TNIK: variants seen among roughly 807,000 people sequenced by gnomAD.
TNIK encodes TRAF2 and NCK interacting kinase, also known as TRAF2 and NCK-interacting protein kinase.
TNIK carries 49 observed loss-of-function variants against 191.3 expected under a neutral mutation model. The ratio of observed to expected loss-of-function variants is 0.26; its 90% CI spans 0.20 to 0.32. TNIK has a LOEUF of 0.32. Among genes scored for constraint, TNIK ranks in the 10% least tolerant of loss-of-function variants. The probability of loss-of-function intolerance (pLI) is 1.00; values close to 1 mark genes in which losing one functional copy is unlikely to be tolerated. For synonymous variants in TNIK, 594 were observed against 600.9 expected (o/e 0.99, Z 0.17); for missense variants, 1,155 against 1,702.3 (o/e 0.68, Z 5.66).
chr3:171,294,282 G>A (rs772166636), intron 2 of TNIK, among the ~76,000 whole-genome samples: 1 of 151,956 alleles, frequency 6.6e-6, no homozygotes, highest in Non-Finnish European at 1.5e-5. Context: ...AACTAGCCAG[G>A]CATGATGGCA....
At chr3:171,429,991 G>A (rs930975143) in intron 1 of TNIK, among the ~76,000 whole-genome samples, 7 of 151,962 alleles carry the variant, frequency 4.6e-5, no homozygotes, top group African/African-American at 1.7e-4. Context: ...CAAATTTTGG[G>A]GACCCATCCC....
At chr3:171,192,579 G>C (rs1182830450) in intron 5 of TNIK, among the ~76,000 whole-genome samples, 2 of 152,220 alleles carry the variant, frequency 1.3e-5, no homozygotes, top group African/African-American at 4.8e-5. Flanking sequence ...CATCCCTGCT[G>C]CTTTTAGAAC....
intron 1 of TNIK, among the ~76,000 whole-genome samples, chr3:171,456,472 T>C (rs1445897509): frequency 6.6e-6 from 1 of 152,144 alleles, no homozygotes; most frequent in Admixed American, 6.5e-5. Flanking sequence ...ACATAGATAA[T>C]ACAAAACATA....
intron 2 of TNIK, among the ~76,000 whole-genome samples, chr3:171,343,199 G>A (rs541832937): frequency 6.6e-6 from 1 of 152,192 alleles, no homozygotes; most frequent in African/African-American, 2.4e-5. Context: ...ATACAGCATG[G>A]AGAGGGGTGA....
intron 1 of TNIK, among the ~76,000 whole-genome samples, chr3:171,370,994 G>A (rs948839442): frequency 6.6e-6 from 1 of 152,132 alleles, no homozygotes; most frequent in Non-Finnish European, 1.5e-5. Flanking sequence ...CAGATTCAGA[G>A]AGACCTGGGT....
rs530811024 is a variant in TNIK at position 171,459,713 on chromosome 3, C to T, written c.57+294G>A. ...ACACACACACACACACGCACACACG[C>T]CTTTCATTTTAATGCTCTTACACCG... On this transcript the variant is annotated intron_variant, in intron 1 of 32. Transcript: ENST00000436636. Among the ~76,000 whole-genome samples, 31 of 152,232 alleles carry T rather than the reference C, an allele frequency of 2.0e-4. No individual in the cohort carries two copies. The highest frequency in any genetic ancestry group is 4.1e-4 in the Non-Finnish European group (28 of 68,010).
At chr3:171,305,024 AAG>A (rs1289739616) in intron 2 of TNIK, among the ~76,000 whole-genome samples, 2 of 149,892 alleles carry the variant, frequency 1.3e-5, no homozygotes, top group African/African-American at 2.5e-5. Flanking sequence ...AAAAAAAAAA[AAG>A]AAATTGAAAA....
At chr3:171,197,564 A>T (rs987840981) in intron 4 of TNIK, among the ~76,000 whole-genome samples, 1 of 152,208 alleles carries the variant, frequency 6.6e-6, no homozygotes, top group African/African-American at 2.4e-5. Context: ...TAACAGAAAG[A>T]CAAGCAACCC....
chr3:171,456,040 A>C (rs1578000116), intron 1 of TNIK, among the ~76,000 whole-genome samples: 1 of 152,186 alleles, frequency 6.6e-6, no homozygotes, highest in East Asian at 1.9e-4. Flanking sequence ...TCAATGGAGA[A>C]AGGAATGGCT....
At chr3:171,387,143 A>G (rs185551396) in intron 1 of TNIK, among the ~76,000 whole-genome samples, 1 of 152,342 alleles carries the variant, frequency 6.6e-6, no homozygotes, top group East Asian at 1.9e-4. Flanking sequence ...TTTAATCATT[A>G]AGAGGGCAGC....
intron 2 of TNIK, among the ~76,000 whole-genome samples, chr3:171,264,105 CACACACAT>C (rs780917017): frequency 0.042 from 2,874 of 68,148 alleles, 30 homozygotes; most frequent in African/African-American, 0.087. Context: ...CACACACACA[CACACACAT>C]ATATATATAT....
Position 171,228,152 on chromosome 3 carries a change from T to A in TNIK, c.180+13A>T, listed in dbSNP as rs375858279. On this transcript the variant is annotated intron_variant, in intron 3 of 32. Transcript: ENST00000436636. ...CTGCATGGCTATTGAGATGGCAAAA[T>A]AAAGACACTTACCCCTGTGACATCC... is the stretch of plus-strand genomic sequence containing the variant. 1.7e-4 allele frequency: 273 copies of A among 1,613,260 alleles called. No individual in the cohort carries two copies. The highest frequency in any genetic ancestry group is 2.2e-4 in the Non-Finnish European group (254 of 1,179,510).
At chr3:171,117,111 G>A (rs566694768) in intron 18 of TNIK, among the ~76,000 whole-genome samples, 30 of 152,308 alleles carry the variant, frequency 2.0e-4, no homozygotes, top group African/African-American at 6.3e-4. Context: ...GGTCTCATGA[G>A]ACAACAACTT....
At chr3:171,369,806 A>G (rs1244754448) in intron 1 of TNIK, 121 bp from the exon 2 acceptor site, 1 of 693,968 alleles carries the variant, frequency 1.4e-6, no homozygotes, top group Non-Finnish European at 2.3e-6. Flanking sequence ...AGGGGCTCTC[A>G]TGTGTTAACA....
intron 12 of TNIK, among the ~76,000 whole-genome samples, chr3:171,156,293 C>A (rs1733166673): frequency 6.6e-6 from 1 of 152,150 alleles, no homozygotes; most frequent in Non-Finnish European, 1.5e-5. Flanking sequence ...TTGCTGCAAA[C>A]TGGAACTGAG....
intron 1 of TNIK, among the ~76,000 whole-genome samples, chr3:171,421,303 A>G (rs1356260135): frequency 6.6e-6 from 1 of 152,196 alleles, no homozygotes; most frequent in Non-Finnish European, 1.5e-5. Flanking sequence ...CCCAGAAAAT[A>G]CAAAGTGAGG....
In TNIK at chr3:171,062,079, A is replaced by G. The variant is rs1441038823; in HGVS notation, c.*1802T>C. 6.6e-6 allele frequency: 1 copy of G among 152,180 alleles called. No individual in the cohort carries two copies. Among genetic ancestry groups the G allele is most frequent in the Non-Finnish European group, 1.5e-5 (1 of 68,036 alleles). The allele number at this position is 152,180 out of a possible 1,614,324, so 9.4% of individuals were successfully genotyped here. A position where few individuals can be genotyped will look rare whatever the true frequency, so the allele number is the denominator to read the frequency against. ...ATCTTGCCCAAACCACTAGATTGAAATGGCTCCATTTTCCTAATGTGTATT... is the reference window on the plus strand; with the variant it reads ...ATCTTGCCCAAACCACTAGATTGAAGTGGCTCCATTTTCCTAATGTGTATT... On this transcript the variant is annotated 3_prime_UTR_variant, in exon 33 of 33. Coordinates refer to ENST00000436636, the MANE Select transcript of TNIK (RefSeq NM_015028.4).
chr3:171,415,193 C>A (rs1722898570), intron 1 of TNIK, among the ~76,000 whole-genome samples: 1 of 152,206 alleles, frequency 6.6e-6, no homozygotes, highest in Non-Finnish European at 1.5e-5. Context: ...AATATCACCT[C>A]CTCAGAGAGG....
rs1422341634 is a variant in TNIK at position 171,087,353 on chromosome 3, A to T, written c.2875T>A (p.Ser959Thr). Reference protein sequence around the residue: ...RVSTHSQEMDSGTEYGMGSST... With the variant: ...RVSTHSQEMDTGTEYGMGSST... ...TGCCCAGCACCTACTTCAGTCCCAG[A>T]GTCCATCTCCTGGGAATGGGTTGAG... The change falls in exon 24 of 33, where the codon TCT becomes ACT. Residue 959 changes from serine to threonine, a missense_variant. Physicochemically the swap from Ser to Thr is moderately conservative, Grantham distance 58 (BLOSUM62 1). Transcript: ENST00000436636. 2 of 1,613,924 alleles carry T rather than the reference A, an allele frequency of 1.2e-6. No homozygotes were observed. Among genetic ancestry groups the T allele is most frequent in the East Asian group, 4.5e-5 (2 of 44,888 alleles).
Sources: allele counts gnomAD v4.1 joint callset (sites outside exome capture counted in the v4.1 genomes callset), GRCh38; gene constraint gnomAD v4.1.1; transcripts MANE v1.5; gene names NCBI Gene and HGNC (gene_info 2026-07-23, HGNC 2026-07-21).